The following FSTL5 variants were observed in gnomAD, a reference collection of about 807,000 sequenced individuals.
The protein encoded by FSTL5 is follistatin-related protein 5.
Under a neutral mutation model 89.1 loss-of-function variants are expected in FSTL5, and 62 were observed. The ratio of observed to expected loss-of-function variants is 0.70; its 90% CI spans 0.57 to 0.86. The LOEUF (loss-of-function observed/expected upper bound fraction) is 0.86. Among genes scored for constraint, FSTL5 ranks in the 40% least tolerant of loss-of-function variants. FSTL5 has a pLI of 0.00. For synonymous variants in FSTL5, 383 were observed against 346.2 expected, an observed-to-expected ratio of 1.11 and a Z score of -1.18; for missense variants, 1,057 against 1,001.6, an observed-to-expected ratio of 1.06 and a Z score of -0.75.
intron 15 of FSTL5, among the ~76,000 whole-genome samples, chr4:161,447,355 C>T (rs912417270): frequency 2.6e-5 from 4 of 151,900 alleles, no homozygotes; most frequent in African/African-American, 9.7e-5. Flanking sequence ...CGCATTGACC[C>T]ATACATCAAG....
chr4:161,437,002 C>A (rs2314101), intron 15 of FSTL5, among the ~76,000 whole-genome samples: 5,295 of 152,108 alleles, frequency 0.035, 302 homozygotes, highest in African/African-American at 0.12. Context: ...TTATTAAGGG[C>A]CTTATTCTCA....
At chr4:161,426,598 A>AT (rs559609462) in intron 15 of FSTL5, among the ~76,000 whole-genome samples, 44 of 151,972 alleles carry the variant, frequency 2.9e-4, no homozygotes, top group African/African-American at 9.4e-4. Flanking sequence ...ATAGAAGATA[A>AT]TTTTTTTTGT....
At chr4:161,482,321 A>G (rs1266150607) in intron 12 of FSTL5, among the ~76,000 whole-genome samples, 1 of 152,184 alleles carries the variant, frequency 6.6e-6, no homozygotes. Flanking sequence ...GTCTCAAAAA[A>G]AAAAATTATG....
intron 15 of FSTL5, among the ~76,000 whole-genome samples, chr4:161,389,770 A>G (rs573931898): frequency 1.3e-5 from 2 of 152,242 alleles, no homozygotes; most frequent in South Asian, 2.1e-4. Context: ...TAGATTCTCA[A>G]TAAATAGAAA....
intron 8 of FSTL5, among the ~76,000 whole-genome samples, chr4:161,548,635 A>G (rs1370273715): frequency 6.6e-6 from 1 of 151,830 alleles, no homozygotes; most frequent in Non-Finnish European, 1.5e-5. Flanking sequence ...ACAGTCAATT[A>G]GCCAGTTTAC....
intron 4 of FSTL5, among the ~76,000 whole-genome samples, chr4:161,832,986 T>C (rs1192393008): frequency 2.0e-5 from 3 of 150,526 alleles, no homozygotes; most frequent in Non-Finnish European, 4.4e-5. Flanking sequence ...GTGTCAATTT[T>C]GGATCTTTCC....
intron 6 of FSTL5, among the ~76,000 whole-genome samples, chr4:161,684,635 G>T (rs1409462251): frequency 2.6e-5 from 4 of 151,932 alleles, no homozygotes; most frequent in African/African-American, 9.7e-5. Context: ...TTGTTGATTT[G>T]TTTGAGTTCC....
intron 1 of FSTL5, among the ~76,000 whole-genome samples, chr4:162,125,353 T>A (rs1732038528): frequency 6.6e-6 from 1 of 151,468 alleles, no homozygotes; most frequent in African/African-American, 2.4e-5. Flanking sequence ...TAAATTTTTT[T>A]ATTTGAATTT....
chr4:161,647,273 G>A (rs1403119838), intron 7 of FSTL5, among the ~76,000 whole-genome samples: 1 of 152,124 alleles, frequency 6.6e-6, no homozygotes, highest in Non-Finnish European at 1.5e-5. Context: ...TCTCCACTGT[G>A]TATTTTTGGT....
intron 7 of FSTL5, among the ~76,000 whole-genome samples, chr4:161,607,246 G>A (rs1734481633): frequency 6.6e-6 from 1 of 152,104 alleles, no homozygotes; most frequent in African/African-American, 2.4e-5. Context: ...GTAAGACTTG[G>A]TGATTAGTCC....
rs1739502250 is a variant in FSTL5, at chr4:161,728,614, T to A, written c.727+30797A>T. ...CATATATATATGATGACAAAGAAGA[T>A]AATCAATATTCAACCCTAATACTGA... On this transcript the variant is annotated intron_variant, in intron 6 of 15. Transcript: ENST00000306100. Among the ~76,000 whole-genome samples the A allele has an allele frequency of 2.0e-5, 3 of 152,188 alleles. 1 individual carries two copies. The South Asian group carries it at 6.2e-4, about 32-fold the overall frequency.
At chr4:161,760,883 C>T (rs756093252) in intron 5 of FSTL5, among the ~76,000 whole-genome samples, 1 of 152,078 alleles carries the variant, frequency 6.6e-6, no homozygotes, top group African/African-American at 2.4e-5. Flanking sequence ...CTGTGTTGAA[C>T]GTTTCATGAT....
At chr4:162,025,112 A>G (rs183426719) in intron 3 of FSTL5, among the ~76,000 whole-genome samples, 12 of 152,244 alleles carry the variant, frequency 7.9e-5, no homozygotes, top group Admixed American at 7.9e-4. Context: ...GCATCATGGT[A>G]AAAACAAGAT....
chr4:162,097,626 T>C (rs773359376), intron 2 of FSTL5, among the ~76,000 whole-genome samples: 7 of 151,650 alleles, frequency 4.6e-5, no homozygotes, highest in African/African-American at 1.7e-4. Context: ...AACTTAAAAA[T>C]GAAAAGAAAA....
intron 4 of FSTL5, among the ~76,000 whole-genome samples, chr4:161,787,240 C>T (rs13120384): frequency 0.21 from 31,235 of 151,834 alleles, 3,243 homozygotes; most frequent in Middle Eastern, 0.31. Context: ...CTGGTAGAGG[C>T]CTTGATAAGA....
chr4:162,133,434 C>T (rs1732400841), intron 1 of FSTL5, among the ~76,000 whole-genome samples: 1 of 152,132 alleles, frequency 6.6e-6, no homozygotes, highest in South Asian at 2.1e-4. Flanking sequence ...GTAGGAGAGG[C>T]AGTCATTGTT....
chr4:161,670,004 C>T (rs922378971), intron 6 of FSTL5, among the ~76,000 whole-genome samples: 3 of 151,970 alleles, frequency 2.0e-5, no homozygotes, highest in African/African-American at 4.8e-5. Flanking sequence ...GGTATTTTTT[C>T]CTGTATGATT....
chr4:162,020,484 T>C (rs1053459984), intron 3 of FSTL5, among the ~76,000 whole-genome samples: 5 of 152,124 alleles, frequency 3.3e-5, no homozygotes, highest in African/African-American at 1.2e-4. Context: ...TTAAAACTGC[T>C]TCTAATACTT....
intron 2 of FSTL5, among the ~76,000 whole-genome samples, chr4:162,076,871 T>G (rs758232850): frequency 4.0e-5 from 6 of 151,756 alleles, no homozygotes. Flanking sequence ...TTGCTGAAAC[T>G]GAACATAAAT....
Sources: gnomAD v4.1 joint callset for allele counts (sites outside exome capture counted in the v4.1 genomes callset) on GRCh38, gnomAD v4.1.1 for gene constraint, MANE v1.5 for transcripts, NCBI Gene and HGNC (gene_info 2026-07-23, HGNC 2026-07-21) for gene names.